The following TTN variants were observed in gnomAD, a reference collection of about 807,000 sequenced individuals.
The protein encoded by TTN is titin, also known as connectin.
A neutral mutation model predicts 3,223.0 loss-of-function variants in TTN; 1,525 were observed. That is an observed-to-expected ratio of 0.47 (90% CI 0.45 to 0.49). The LOEUF is 0.49. TTN is among the 20% of genes least tolerant of loss of function. TTN has a pLI of 0.00. For missense variants in TTN, 40,786 were observed against 43,424.0 expected (o/e 0.94, Z 5.40); for synonymous variants, 14,094 against 15,161.0 (o/e 0.93, Z 5.17).
In TTN at chr2:178,658,293, G is replaced by A; in HGVS notation, c.37690C>T (p.Pro12564Ser). The A allele has an allele frequency of 1.2e-6, 1 of 850,300 alleles. No individual in the cohort carries two copies. Among genetic ancestry groups the A allele is most frequent in the Non-Finnish European group, 1.7e-6 (1 of 599,188 alleles). 52.7% of individuals were successfully genotyped at this position (850,300 alleles called of 1,614,324 possible). The change falls in exon 185 of 363, where the codon CCA becomes TCA. Residue 12564 changes from proline to serine, a missense_variant. By Grantham distance (74) the Pro-to-Ser change is moderately conservative (BLOSUM62 -1). Transcript: ENST00000589042. ...GTACCTGTAACTGCGGGGGCTTCTG[G>A]TTTTTTGATTGGTGCCTTGGGAATT... ...KKIPKAPIKK[P>S]EAPAVTVPEV...
chr2:178,739,147 T>C lies in TTN; in HGVS notation c.14086A>G (p.Lys4696Glu), dbSNP rs779252244. The C allele has an allele frequency of 3.3e-6, 5 of 1,509,054 alleles. No individual in the cohort carries two copies. Among genetic ancestry groups the C allele is most frequent in the Non-Finnish European group, 4.4e-6 (5 of 1,130,624 alleles). The allele number at this position is 1,509,054 out of a possible 1,614,324, so 93.5% of individuals were successfully genotyped here. A position where few individuals can be genotyped will look rare whatever the true frequency, so the allele number is the denominator to read the frequency against. The change falls in exon 48 of 363, where the codon AAA becomes GAA. Residue 4696 changes from lysine to glutamate, a missense_variant. Coordinates refer to ENST00000589042, the MANE Select transcript of TTN (RefSeq NM_001267550.2). Reference protein sequence around the residue: ...TATSAKLTVVKRAAPVIKRKI... With the variant: ...TATSAKLTVVERAAPVIKRKI... ...TTTATCCTTAAAATCCAACCTCTTT[T>C]TACTACAGTGAGTTTGGCTGAAGTT...
chr2:178,738,255 C>T lies in TTN; in HGVS notation c.14198G>A (p.Trp4733Ter), dbSNP rs1574050861. 1 of 1,613,576 alleles carries T rather than the reference C, an allele frequency of 6.2e-7. No individual in the cohort carries two copies. Among genetic ancestry groups the T allele is most frequent in the Non-Finnish European group, 8.5e-7 (1 of 1,179,728 alleles). Reference protein sequence around the residue: ...IQSAPNVRFQWFKAGREIYES... With the variant: ...IQSAPNVRFQ ...ATAAATTTCTCGGCCAGCTTTAAAC[C>T]ACTGGAACCGGACATTGGGAGCACT... Residue 4733 changes from tryptophan to a stop codon, truncating the protein, a stop_gained, in exon 49 of 363, where the codon TGG becomes TAG. Coordinates refer to ENST00000589042, the MANE Select transcript of TTN (RefSeq NM_001267550.2). LOFTEE classifies it high-confidence loss of function.
In TTN at chr2:178,532,195, C is replaced by T. The variant is rs973111888; in HGVS notation, c.104420G>A (p.Arg34807Lys). Reference sequence around the variant, plus strand: ...AATTTCTGTTATTTCTGTCACTTCTCTTTGTCGCCTTGATTTCTTTCTAGA... The same window carrying T: ...AATTTCTGTTATTTCTGTCACTTCTTTTTGTCGCCTTGATTTCTTTCTAGA... Reference protein sequence around the residue: ...EKSRKKSRRQREVTEITEIEE... With the variant: ...EKSRKKSRRQKEVTEITEIEE... Residue 34807 changes from arginine (R) to lysine (K), a missense_variant, in exon 358 of 363, where the codon AGA becomes AAA. Physicochemically the swap from Arg to Lys is conservative, Grantham distance 26. Coordinates refer to ENST00000589042, the MANE Select transcript of TTN (RefSeq NM_001267550.2). 1.2e-6 allele frequency: 2 copies of T among 1,613,626 alleles called. No homozygotes were observed. The highest frequency in any genetic ancestry group is 1.7e-6 in the Non-Finnish European group (2 of 1,179,860).
Position 178,712,983 on chromosome 2 carries a change from C to T in TTN, c.27050-8G>A. ...GAACAAAAGATGGTGGTTCTAAACACAAAAGCACATATCAGAAAAGGTTTA... is the reference window on the plus strand; with the variant it reads ...GAACAAAAGATGGTGGTTCTAAACATAAAAGCACATATCAGAAAAGGTTTA... On this transcript the variant is annotated splice_polypyrimidine_tract_variant and splice_region_variant and intron_variant, in intron 93 of 362. Coordinates refer to ENST00000589042, the MANE Select transcript of TTN (RefSeq NM_001267550.2). 6.2e-7 allele frequency: 1 copy of T among 1,610,262 alleles called. No homozygotes were observed. Among genetic ancestry groups the T allele is most frequent in the Non-Finnish European group, 8.5e-7 (1 of 1,177,456 alleles).
In TTN at chr2:178,565,825, C is replaced by T. The variant is rs767855891; in HGVS notation, c.80307G>A (p.Val26769=). The T allele has an allele frequency of 2.5e-6, 4 of 1,613,616 alleles. No homozygotes were observed. Among genetic ancestry groups the T allele is most frequent in the Admixed American group, 3.3e-5 (2 of 59,984 alleles). Residue 26769 remains valine, a synonymous_variant, in exon 326 of 363, where the codon GTG becomes GTA. Transcript: ENST00000589042. ...CAGCTTTCACGGCATCAACAGTTTC[C>T]ACTGGAACACCAACTCCAAATTCAT... ...AENEFGVGVP[V]ETVDAVKAAE... is the part of the protein sequence containing the mutation.
rs370931683 is a variant in TTN at position 178,572,813 on chromosome 2, A to G, written c.73319T>C (p.Ile24440Thr). 1.4e-5 allele frequency: 22 copies of G among 1,613,440 alleles called. No individual in the cohort carries two copies. In the African/African-American group the frequency reaches 2.5e-4, roughly 19 times the overall value. Residue 24440 changes from isoleucine (I) to threonine (T), a missense_variant, in exon 326 of 363, where the codon ATA (isoleucine) becomes ACA (threonine). By Grantham distance (89) the Ile-to-Thr change is moderately conservative (BLOSUM62 -1). Coordinates refer to ENST00000589042, the MANE Select transcript of TTN (RefSeq NM_001267550.2). ...AAGTCTCAGGGTGCAGCAGGCCCTT[A>G]TAGTAACAACTTTGCGCAGGTCAGC... is the stretch of plus-strand genomic sequence containing the variant. Reference protein sequence around the residue: ...LDADLRKVVTIRACCTLRLFV... With the variant: ...LDADLRKVVTTRACCTLRLFV...
rs773632027 is a variant in TTN, at chr2:178,566,331, C to T, written c.79801G>A (p.Gly26601Arg). The change falls in exon 326 of 363, where the codon GGA (glycine) becomes AGA (arginine). Residue 26601 changes from glycine (G) to arginine (R), a missense_variant. Physicochemically the swap from Gly to Arg is moderately radical, Grantham distance 125. Coordinates refer to ENST00000589042, the MANE Select transcript of TTN (RefSeq NM_001267550.2). ...ELDLDSELRK[G>R]IVVRAGGSAR... ...GATCCACCAGCTCTTACAACAATTCCTTTTCTTAATTCGGAGTCAAGGTCA... is the reference window on the plus strand; with the variant it reads ...GATCCACCAGCTCTTACAACAATTCTTTTTCTTAATTCGGAGTCAAGGTCA... 4 of 1,613,558 alleles carry T rather than the reference C, an allele frequency of 2.5e-6. No individual in the cohort carries two copies. The Admixed American group carries it at 6.7e-5, about 27-fold the overall frequency.
In TTN at chr2:178,571,366, C is replaced by G. The variant is rs372814940; in HGVS notation, c.74766G>C (p.Arg24922Ser). ...PGTPVVTLSS[R>S]DSMEVQWNEP... ...CATTCCATTGTACTTCCATGCTGTC[C>G]CTGGAGGACAGTGTGACAACTGGAG... The change falls in exon 326 of 363, where the codon AGG (arginine) becomes AGC (serine). Residue 24922 changes from arginine (R) to serine (S), a missense_variant. Arg to Ser is a moderately radical substitution (Grantham distance 110). Transcript: ENST00000589042. 3.7e-5 allele frequency: 60 copies of G among 1,613,196 alleles called. No individual in the cohort carries two copies. Among genetic ancestry groups the G allele is most frequent in the Non-Finnish European group, 4.7e-5 (56 of 1,179,532 alleles).
chr2:178,575,367 C>T lies in TTN; in HGVS notation c.70765G>A (p.Glu23589Lys). ...TCAGTTAGATTCCTCACAACACATT[C>T]TAACCCTTTCACGGTTGTGATGTGG... ...WTHITTVKGL[E>K]CVVRNLTEGE... Residue 23589 changes from glutamate to lysine, a missense_variant, in exon 326 of 363, where the codon GAA becomes AAA. Transcript: ENST00000589042. The surrounding 1 kb of genome is among the most constrained non-coding windows in gnomAD (Gnocchi z 4.0). The T allele has an allele frequency of 6.2e-7, 1 of 1,613,624 alleles. No homozygotes were observed. Among genetic ancestry groups the T allele is most frequent in the Non-Finnish European group, 8.5e-7 (1 of 1,179,670 alleles).
At position 178,684,365 on chromosome 2, in the gene TTN, G is replaced by A; in HGVS notation, c.32687C>T (p.Ala10896Val). 15 of 1,613,538 alleles carry A rather than the reference G, an allele frequency of 9.3e-6. No individual in the cohort carries two copies. Among genetic ancestry groups the A allele is most frequent in the Non-Finnish European group, 1.3e-5 (15 of 1,179,634 alleles). Reference protein sequence around the residue: ...QITQEEKVLVAVTKKEAPPKA... With the variant: ...QITQEEKVLVVVTKKEAPPKA... The stretch of plus-strand genomic sequence containing the variant: ...TGGAGGCGCCTCTTTTTTAGTTACA[G>A]CAACAAGAACTTTTTCTTCCTGGGT... Residue 10896 changes from alanine (A) to valine (V), a missense_variant, in exon 132 of 363, where the codon GCT (alanine) becomes GTT (valine). By Grantham distance (64) the Ala-to-Val change is moderately conservative. Transcript: ENST00000589042.
At position 178,614,932 on chromosome 2, in the gene TTN, A is replaced by C; in HGVS notation, c.48675T>G (p.Tyr16225Ter). 6.3e-7 allele frequency: 1 copy of C among 1,595,688 alleles called. No homozygotes were observed. Among genetic ancestry groups the C allele is most frequent in the Non-Finnish European group, 8.5e-7 (1 of 1,170,122 alleles). ...TGTTTAAGGCCTTCACGCGGTAGGC[A>C]TACCATTTGCCTTCCTCAAGACCTG... ...EVTGLEEGKW[Y>*]AYRVKALNRQ... Residue 16225 changes from tyrosine to a stop codon, truncating the protein, a stop_gained, in exon 260 of 363, where the codon TAT becomes TAG. Coordinates refer to ENST00000589042, the MANE Select transcript of TTN (RefSeq NM_001267550.2). LOFTEE classifies it high-confidence loss of function.
Position 178,571,741 on chromosome 2 carries a change from A to G in TTN, c.74391T>C (p.Ala24797=), listed in dbSNP as rs760809843. 6.2e-7 allele frequency: 1 copy of G among 1,613,410 alleles called. No homozygotes were observed. The highest frequency in any genetic ancestry group is 8.5e-7 in the Non-Finnish European group (1 of 1,179,512). The change falls in exon 326 of 363, where the codon GCT becomes GCC. Residue 24797 remains alanine (A), a synonymous_variant. Transcript: ENST00000589042. ...GAACGATAACATTAAGGGTTTCAAT[A>G]GCTTCACCAGCTGAGTTAGTCAGTT... The part of the protein sequence containing the change: ...VVKLTNSAGE[A]IETLNVIVLD...
intron 304 of TTN, 33 bp from the exon 305 acceptor site, chr2:178,588,252 A>G: frequency 1.3e-6 from 2 of 1,492,974 alleles, no homozygotes; most frequent in Non-Finnish European, 1.8e-6. Flanking sequence ...GTTAACTACT[A>G]CTAGTGATAC....
At chr2:178,770,021 C>T (rs768268444) in intron 36 of TTN, 39 bp downstream of exon 36, 3 of 1,614,094 alleles carry the variant, frequency 1.9e-6, no homozygotes, top group Non-Finnish European at 2.5e-6. Flanking sequence ...ACATGGGGTT[C>T]ATTAAGGAAA....
chr2:178,777,638 T>C, intron 25 of TTN, 54 bp from the exon 26 acceptor site: 2 of 1,613,456 alleles, frequency 1.2e-6, no homozygotes, highest in Non-Finnish European at 8.5e-7. Context: ...TTAAAAATTG[T>C]TAGATGCATA....
intron 43 of TTN, 65 bp downstream of exon 43, chr2:178,764,112 A>G: frequency 1.9e-6 from 3 of 1,610,332 alleles, no homozygotes; most frequent in Non-Finnish European, 1.7e-6. Flanking sequence ...AGAAGCTGAC[A>G]GAATGTTTTT....
Position 178,729,868 on chromosome 2 carries a change from T to C in TTN, c.18385A>G (p.Ile6129Val), listed in dbSNP as rs2080081483. The C allele has an allele frequency of 1.2e-6, 2 of 1,613,518 alleles. No homozygotes were observed. The highest frequency in any genetic ancestry group is 2.7e-5 in the African/African-American group (2 of 74,916). The change falls in exon 63 of 363, where the codon ATA becomes GTA. Residue 6129 changes from isoleucine (I) to valine (V), a missense_variant. Physicochemically the swap from Ile to Val is conservative, Grantham distance 29 (BLOSUM62 3). Transcript: ENST00000589042. ...NGQSTTFECQITGTPKIRVSW... is the reference protein window; with the variant it reads ...NGQSTTFECQVTGTPKIRVSW... ...ACTCGGATTTTAGGAGTGCCTGTTATTTGGCATTCAAATGTTGTTGACTGT... is the reference window on the plus strand; with the variant it reads ...ACTCGGATTTTAGGAGTGCCTGTTACTTGGCATTCAAATGTTGTTGACTGT...
At position 178,613,149 on chromosome 2, in the gene TTN, T is replaced by C; in HGVS notation, c.49648+12A>G. The C allele has an allele frequency of 1.2e-6, 2 of 1,607,094 alleles. No homozygotes were observed. The highest frequency in any genetic ancestry group is 1.7e-6 in the Non-Finnish European group (2 of 1,177,486). Reference sequence around the variant, plus strand: ...AACTTCGAAATAACCACAAAAATTATATAAATAATACCTATGGGATCCTTT... The same window carrying C: ...AACTTCGAAATAACCACAAAAATTACATAAATAATACCTATGGGATCCTTT... On this transcript the variant is annotated intron_variant, in intron 264 of 362. Coordinates refer to ENST00000589042, the MANE Select transcript of TTN (RefSeq NM_001267550.2).
chr2:178,732,101 C>T lies in TTN; in HGVS notation c.16868G>A (p.Gly5623Asp). The part of the protein sequence containing the change: ...EYMCEAQNEA[G>D]SDHCSSIVIV... The stretch of plus-strand genomic sequence containing the variant: ...TACAATGCTACTGCAGTGGTCACTG[C>T]CAGCCTCATTTTGGGCCTCACACAT... The change falls in exon 57 of 363, where the codon GGC (glycine) becomes GAC (aspartate). Residue 5623 changes from glycine (G) to aspartate (D), a missense_variant. Coordinates refer to ENST00000589042, the MANE Select transcript of TTN (RefSeq NM_001267550.2). The T allele has an allele frequency of 6.2e-7, 1 of 1,612,480 alleles. No individual in the cohort carries two copies. Among genetic ancestry groups the T allele is most frequent in the Non-Finnish European group, 8.5e-7 (1 of 1,178,880 alleles).
Sources: allele counts gnomAD v4.1 joint callset, GRCh38; gene constraint gnomAD v4.1.1; non-coding constraint Gnocchi (gnomAD v3.1); transcripts MANE v1.5; gene names NCBI Gene and HGNC (gene_info 2026-07-23, HGNC 2026-07-21).